Variants in UTP25 observed in about 807,000 individuals in gnomAD.
UTP25 encodes UTP25 small subunit processome component, also known as U3 small nucleolar RNA-associated protein 25 homolog.
UTP25 carries 50 observed loss-of-function variants against 78.9 expected under a neutral mutation model. The ratio of observed to expected loss-of-function variants is 0.63; its 90% CI spans 0.50 to 0.80. The LOEUF (loss-of-function observed/expected upper bound fraction) is 0.80. Ranked by LOEUF, UTP25 falls within the 30% of genes least tolerant of loss-of-function variation. The pLI, the probability that UTP25 is intolerant of heterozygous loss-of-function variation, is 0.00. For synonymous variants in UTP25, 329 were observed against 336.5 expected (o/e 0.98, Z 0.24); for missense variants, 846 against 911.3 (o/e 0.93, Z 0.92).
chr1:209,849,056 G>A (rs61820635), intron 11 of UTP25, among the ~76,000 whole-genome samples: 20,360 of 152,084 alleles, frequency 0.13, 1,707 homozygotes, highest in Non-Finnish European at 0.18. Context: ...ACGTGTGCCA[G>A]AGGAGGGTCT....
intron 3 of UTP25, 76 bp from the exon 4 acceptor site, chr1:209,833,109 C>A: frequency 3.6e-6 from 5 of 1,388,070 alleles, no homozygotes; most frequent in East Asian, 2.5e-5. Flanking sequence ...TTGGTATAGC[C>A]TAAGGAAATA....
At chr1:209,847,186 G>C (rs766224972) in intron 11 of UTP25, among the ~76,000 whole-genome samples, 2 of 151,876 alleles carry the variant, frequency 1.3e-5, no homozygotes, top group African/African-American at 4.8e-5. Context: ...GGATTTTTGT[G>C]TATATTTTTA....
At chr1:209,843,327 C>A in intron 10 of UTP25, 124 bp from the exon 11 acceptor site, 1 of 1,158,036 alleles carries the variant, frequency 8.6e-7, no homozygotes, top group Non-Finnish European at 1.2e-6. Flanking sequence ...GGAGGTAAAT[C>A]ATATTGGCCT....
At chr1:209,844,787 C>CT (rs1386105644) in intron 11 of UTP25, among the ~76,000 whole-genome samples, 5 of 152,150 alleles carry the variant, frequency 3.3e-5, no homozygotes, top group African/African-American at 1.2e-4. Context: ...ATAGAAAAAG[C>CT]TTTTTTATTT....
chr1:209,835,220 G>A, intron 5 of UTP25, 57 bp downstream of exon 5: 3 of 1,510,066 alleles, frequency 2.0e-6, no homozygotes, highest in Admixed American at 1.7e-5. Flanking sequence ...ATAAAACAGT[G>A]GTCTTGGGTT....
Position 209,842,623 on chromosome 1 carries a change from A to G in UTP25, c.1709A>G (p.His570Arg). Residue 570 changes from histidine to arginine, a missense_variant, in exon 10 of 12, where the codon CAT becomes CGT. By Grantham distance (29) the His-to-Arg change is conservative. Transcript: ENST00000491415. ...RNVPMTGSIS[H>R]VLVQLPHVFQ... ...GTCCCAATGACAGGCTCTATCAGTC[A>G]TGTCCTGGTGCAGCTCCCACATGTC... The G allele has an allele frequency of 6.2e-7, 1 of 1,613,970 alleles. No homozygotes were observed. Among genetic ancestry groups the G allele is most frequent in the Non-Finnish European group, 8.5e-7 (1 of 1,179,946 alleles).
intron 8 of UTP25, 130 bp downstream of exon 8, chr1:209,841,185 TC>T: frequency 1.1e-6 from 1 of 912,158 alleles, no homozygotes; most frequent in Non-Finnish European, 1.6e-6. Flanking sequence ...GGACACACAC[TC>T]CACATTTTCT....
At chr1:209,839,265 G>A in intron 7 of UTP25, 137 bp downstream of exon 7, 1 of 848,984 alleles carries the variant, frequency 1.2e-6, no homozygotes, top group East Asian at 2.7e-5. Context: ...TTTGAGACAT[G>A]TTGTTTGCCA....
intron 2 of UTP25, 51 bp downstream of exon 2, chr1:209,830,198 A>T: frequency 6.8e-7 from 1 of 1,477,430 alleles, no homozygotes; most frequent in Non-Finnish European, 9.4e-7. Context: ...TGTTCCCACT[A>T]AGATTATATC....
intron 8 of UTP25, among the ~76,000 whole-genome samples, chr1:209,841,981 G>A (rs1308662121): frequency 6.6e-6 from 1 of 152,168 alleles, no homozygotes; most frequent in Non-Finnish European, 1.5e-5. Context: ...GGGACCCATA[G>A]AGAGACCAGT....
chr1:209,839,896 T>C (rs1439987225), intron 7 of UTP25, among the ~76,000 whole-genome samples: 4 of 152,056 alleles, frequency 2.6e-5, no homozygotes, highest in Non-Finnish European at 2.9e-5. Flanking sequence ...TTACCCAAAA[T>C]GGGGGCAGGG....
At chr1:209,843,793 G>GATC (rs1430694695) in intron 11 of UTP25, 97 bp downstream of exon 11, 1 of 1,467,948 alleles carries the variant, frequency 6.8e-7, no homozygotes, top group African/African-American at 1.4e-5. Context: ...GTGGTGTTGA[G>GATC]ATCATCCCTC....
At position 209,840,927 on chromosome 1, in the gene UTP25, C is replaced by T. The variant is rs1016670090; in HGVS notation, c.1357C>T (p.Leu453=). Residue 453 remains leucine (L), a synonymous_variant, in exon 8 of 12, where the codon CTG becomes TTG. Transcript: ENST00000491415. Reference sequence around the variant, plus strand: ...CTCGGATATCCTCATTGCTTCCCCCCTGGGCTTGAGGACCATCATTGGTGG... The same window carrying T: ...CTCGGATATCCTCATTGCTTCCCCCTTGGGCTTGAGGACCATCATTGGTGG... The part of the protein sequence containing the change: ...YSSDILIASP[L]GLRTIIGGEG... 27 of 1,613,888 alleles carry T rather than the reference C, an allele frequency of 1.7e-5. No individual in the cohort carries two copies. Among genetic ancestry groups the T allele is most frequent in the Non-Finnish European group, 2.3e-5 (27 of 1,179,974 alleles).
At chr1:209,849,130 G>A (rs755494440) in intron 11 of UTP25, among the ~76,000 whole-genome samples, 2 of 152,068 alleles carry the variant, frequency 1.3e-5, no homozygotes, top group African/African-American at 2.4e-5. Flanking sequence ...GCATGAAGTC[G>A]GGGGGAGGGG....
rs547831781 is a variant in UTP25, at chr1:209,855,002, G to T, written c.*3555G>T. ...CTTATTTTAAAAAGCTTTTCTGAAAGCCTGGCTACATAGAATTCTAAACAG... is the reference window on the plus strand; with the variant it reads ...CTTATTTTAAAAAGCTTTTCTGAAATCCTGGCTACATAGAATTCTAAACAG... On this transcript the variant is annotated 3_prime_UTR_variant, in exon 12 of 12. Transcript: ENST00000491415. 6.6e-6 allele frequency: 1 copy of T among 152,280 alleles called. No homozygotes were observed. The highest frequency in any genetic ancestry group is 1.5e-5 in the Non-Finnish European group (1 of 68,030). The allele number at this position is 152,280 out of a possible 1,614,324, so 9.4% of individuals were successfully genotyped here.
Position 209,842,347 on chromosome 1 carries a change from A to G in UTP25, c.1568A>G (p.Asn523Ser). 6.2e-7 allele frequency: 1 copy of G among 1,614,168 alleles called. No individual in the cohort carries two copies. The highest frequency in any genetic ancestry group is 8.5e-7 in the Non-Finnish European group (1 of 1,179,992). The change falls in exon 9 of 12, where the codon AAT becomes AGT. Residue 523 changes from asparagine to serine, a missense_variant. Asn to Ser is a conservative substitution (Grantham distance 46). Coordinates refer to ENST00000491415, the MANE Select transcript of UTP25 (RefSeq NM_014388.7). The stretch of plus-strand genomic sequence containing the variant: ...CGAGTGCGGATGTGGAGCCTCAATA[A>G]TTGGTCCAAGTACTATCGCCAGACA... ...FSRVRMWSLN[N>S]WSKYYRQTLL...
At chr1:209,841,301 A>C (rs896868065) in intron 8 of UTP25, among the ~76,000 whole-genome samples, 4 of 152,220 alleles carry the variant, frequency 2.6e-5, no homozygotes, top group African/African-American at 9.6e-5. Context: ...TCCAGAAAAG[A>C]TTTCTTTCCC....
chr1:209,840,171 T>C (rs2078158548), intron 7 of UTP25, among the ~76,000 whole-genome samples: 1 of 152,236 alleles, frequency 6.6e-6, no homozygotes, highest in South Asian at 2.1e-4. Flanking sequence ...AGTTGGTATA[T>C]TGTTCTGGAG....
Position 209,836,993 on chromosome 1 carries a change from C to G in UTP25, c.844C>G (p.Leu282Val). The change falls in exon 6 of 12, where the codon CTC becomes GTC. Residue 282 changes from leucine to valine, a missense_variant. Coordinates refer to ENST00000491415, the MANE Select transcript of UTP25 (RefSeq NM_014388.7). ...SSPFTPLQKE[L>V]FLIMNSYRDL... ...CCCATTCACCCCCCTCCAGAAAGAA[C>G]TCTTCTTAATTATGAATTCTTACCG... The G allele has an allele frequency of 6.2e-7, 1 of 1,614,162 alleles. No homozygotes were observed. Among genetic ancestry groups the G allele is most frequent in the East Asian group, 2.2e-5 (1 of 44,886 alleles).
Sources: gnomAD v4.1 joint callset for allele counts (sites outside exome capture counted in the v4.1 genomes callset) on GRCh38, gnomAD v4.1.1 for gene constraint, MANE v1.5 for transcripts, NCBI Gene and HGNC (gene_info 2026-07-23, HGNC 2026-07-21) for gene names.